The following CPNE8 variants were observed in gnomAD, a reference collection of about 807,000 sequenced individuals.
CPNE8 encodes copine-8.
Under a neutral mutation model 81.5 loss-of-function variants are expected in CPNE8, and 45 were observed. The observed-to-expected ratio is 0.55, with a 90% CI of 0.44 to 0.71. CPNE8 has a LOEUF of 0.71. CPNE8 is among the 30% of genes least tolerant of loss of function. CPNE8 has a pLI of 0.00. For synonymous variants in CPNE8, 252 were observed against 226.3 expected (o/e 1.11, Z -1.02); for missense variants, 594 against 672.1 (o/e 0.88, Z 1.28).
At chr12:38,704,058 A>G (rs1258953373) in intron 13 of CPNE8, among the ~76,000 whole-genome samples, 2 of 152,170 alleles carry the variant, frequency 1.3e-5, no homozygotes, top group Non-Finnish European at 2.9e-5. Flanking sequence ...TTGGGTACTC[A>G]TGGACATAAA....
intron 1 of CPNE8, among the ~76,000 whole-genome samples, chr12:38,896,132 C>A (rs948369525): frequency 6.6e-5 from 10 of 152,088 alleles, no homozygotes; most frequent in African/African-American, 2.4e-4. Flanking sequence ...TTCTTGGCTT[C>A]ATTAAAATAG....
chr12:38,680,038 GTC>G (rs1403941880), intron 16 of CPNE8, among the ~76,000 whole-genome samples: 3 of 151,770 alleles, frequency 2.0e-5, no homozygotes, highest in Non-Finnish European at 4.4e-5. Flanking sequence ...AAAGCCAGCT[GTC>G]TTTTTTGAAA....
intron 6 of CPNE8, among the ~76,000 whole-genome samples, chr12:38,799,178 T>G (rs1248071963): frequency 2.0e-5 from 3 of 152,066 alleles, no homozygotes. Context: ...GGAATTGAAC[T>G]CATCTCTGCA....
intron 3 of CPNE8, among the ~76,000 whole-genome samples, chr12:38,871,037 T>G (rs1943984947): frequency 6.6e-6 from 1 of 152,106 alleles, no homozygotes; most frequent in Admixed American, 6.5e-5. Flanking sequence ...CCATCTTTAT[T>G]ATAAAAATTG....
rs556639565 is a variant in CPNE8, at chr12:38,657,303, G to A, written c.1507-3233C>T. On this transcript the variant is annotated intron_variant, in intron 19 of 19. Transcript: ENST00000331366. Reference sequence around the variant, plus strand: ...GTGCAGCAGTCTGAGATCGACCTGCGAGGCTGCAGCCTGGTGGGGGGAGGG... The same window carrying A: ...GTGCAGCAGTCTGAGATCGACCTGCAAGGCTGCAGCCTGGTGGGGGGAGGG... Among the ~76,000 whole-genome samples, 34 of 152,268 alleles carry A rather than the reference G, an allele frequency of 2.2e-4. No individual in the cohort carries two copies. The South Asian group carries it at 3.7e-3, about 17-fold the overall frequency.
In CPNE8 at chr12:38,806,441, G is replaced by A. The variant is rs189983595; in HGVS notation, c.407+22938C>T. Among the ~76,000 whole-genome samples the A allele has an allele frequency of 7.8e-3, 1,174 of 149,678 alleles. 56 individuals are homozygous for A. Among genetic ancestry groups the A allele is most frequent in the Middle Eastern group, 0.017 (5 of 294 alleles). On this transcript the variant is annotated intron_variant, in intron 6 of 19. Transcript: ENST00000331366. ...GCTTCATCCCTGGGATGCAAGGCTG[G>A]TTCAATATATGCAAATCAATAAATG... is the stretch of plus-strand genomic sequence containing the variant.
At chr12:38,697,839 A>G (rs987651302) in intron 14 of CPNE8, among the ~76,000 whole-genome samples, 13 of 152,156 alleles carry the variant, frequency 8.5e-5, no homozygotes, top group Non-Finnish European at 1.6e-4. Flanking sequence ...AACATGTAAT[A>G]TGCTGACTGC....
At chr12:38,766,099 C>T (rs1403359468) in intron 8 of CPNE8, among the ~76,000 whole-genome samples, 3 of 152,096 alleles carry the variant, frequency 2.0e-5, no homozygotes, top group African/African-American at 7.2e-5. Context: ...ACCTCGTGAT[C>T]CGCCTGCCTC....
chr12:38,806,519 A>T (rs1942808368), intron 6 of CPNE8, among the ~76,000 whole-genome samples: 2 of 150,298 alleles, frequency 1.3e-5, no homozygotes. Flanking sequence ...TTATCTCAAT[A>T]AATGCAGAAA....
chr12:38,904,561 C>T (rs1424640577), intron 1 of CPNE8, among the ~76,000 whole-genome samples: 3 of 151,184 alleles, frequency 2.0e-5, no homozygotes, highest in South Asian at 2.1e-4. Flanking sequence ...ATCCACATCC[C>T]GGGTTCAAGC....
chr12:38,796,848 C>A (rs1167925477), intron 6 of CPNE8, among the ~76,000 whole-genome samples: 2 of 152,152 alleles, frequency 1.3e-5, no homozygotes, highest in Non-Finnish European at 2.9e-5. Context: ...CACCCTAATA[C>A]TGCGCTTTTC....
At chr12:38,796,993 G>A (rs989365837) in intron 6 of CPNE8, among the ~76,000 whole-genome samples, 66 of 152,302 alleles carry the variant, frequency 4.3e-4, no homozygotes, top group African/African-American at 1.6e-3. Flanking sequence ...AAGGCTGGGG[G>A]ACGGGTGCCC....
At chr12:38,838,047 C>T (rs1943414854) in intron 5 of CPNE8, among the ~76,000 whole-genome samples, 1 of 152,086 alleles carries the variant, frequency 6.6e-6, no homozygotes, top group Non-Finnish European at 1.5e-5. Flanking sequence ...ATCCCATACA[C>T]TTCTCTCTGC....
intron 6 of CPNE8, among the ~76,000 whole-genome samples, chr12:38,806,995 T>G (rs1043458857): frequency 1.3e-5 from 2 of 151,614 alleles, no homozygotes; most frequent in African/African-American, 4.8e-5. Flanking sequence ...TGAACTCCCA[T>G]TCACAACTGC....
intron 6 of CPNE8, among the ~76,000 whole-genome samples, chr12:38,787,921 A>G (rs1942232471): frequency 2.7e-5 from 4 of 150,238 alleles, no homozygotes; most frequent in Admixed American, 2.0e-4. Context: ...GAACAGAACA[A>G]TAACAAGTAA....
intron 10 of CPNE8, among the ~76,000 whole-genome samples, chr12:38,749,848 C>A (rs1007340482): frequency 3.9e-5 from 6 of 152,098 alleles, no homozygotes; most frequent in Admixed American, 2.6e-4. Context: ...AAATGAAAAT[C>A]CTATTTTCTG....
intron 10 of CPNE8, among the ~76,000 whole-genome samples, chr12:38,730,740 A>G (rs1001775022): frequency 6.6e-6 from 1 of 151,662 alleles, no homozygotes. Flanking sequence ...CTATGGATAT[A>G]TATTTTTAAA....
At chr12:38,734,399 T>C (rs923897556) in intron 10 of CPNE8, among the ~76,000 whole-genome samples, 11 of 152,050 alleles carry the variant, frequency 7.2e-5, no homozygotes, top group Non-Finnish European at 1.6e-4. Context: ...TGCAGACAAC[T>C]ATGATTTTCC....
Position 38,854,099 on chromosome 12 carries a change from C to T in CPNE8, c.187-5437G>A, listed in dbSNP as rs186528611. 2.5e-3 allele frequency among the ~76,000 whole-genome samples: 381 copies of T among 152,028 alleles called. 3 individuals are homozygous for T. Among genetic ancestry groups the T allele is most frequent in the African/African-American group, 5.1e-3 (210 of 41,514 alleles). On this transcript the variant is annotated intron_variant, in intron 3 of 19. Coordinates refer to ENST00000331366, the MANE Select transcript of CPNE8 (RefSeq NM_153634.3). ...AGTAAATTAGATGAGTACGGGAGTA[C>T]GGTAGGCAGAATATTCTGACATAAT...
Sources: allele counts gnomAD v4.1 joint callset (sites outside exome capture counted in the v4.1 genomes callset), GRCh38; gene constraint gnomAD v4.1.1; transcripts MANE v1.5; gene names NCBI Gene and HGNC (gene_info 2026-07-23, HGNC 2026-07-21).